CYREN: variants seen among roughly 807,000 people sequenced by gnomAD.
The protein encoded by CYREN is cell cycle regulator of NHEJ, also known as cell cycle regulator of non-homologous end joining.
A neutral mutation model predicts 9.7 loss-of-function variants in CYREN; 7 were observed. The ratio of observed to expected loss-of-function variants is 0.72; its 90% CI spans 0.41 to 1.36. The LOEUF (loss-of-function observed/expected upper bound fraction) is 1.36. CYREN is among the 40% of genes most tolerant of loss of function. The pLI is 0.01. For synonymous variants in CYREN, 76 were observed against 77.9 expected (o/e 0.98, Z 0.13); for missense variants, 215 against 198.1 (o/e 1.09, Z -0.51).
chr7:135,125,138 A>G (rs1220748511), intron 2 of CYREN, among the ~76,000 whole-genome samples: 1 of 152,140 alleles, frequency 6.6e-6, no homozygotes, highest in East Asian at 1.9e-4. Flanking sequence ...AATTAACAAA[A>G]TAGACCACTG....
In CYREN at chr7:135,151,219, T is replaced by A. The variant is rs1387421084; in HGVS notation, n.356+17530A>T. On this transcript the variant is annotated intron_variant and non_coding_transcript_variant, in intron 2 of 2. Coordinates refer to the CYREN transcript ENST00000459937. This position sits in a 1 kb window ranked among gnomAD's most constrained non-coding sequence, Gnocchi z 4.3. ...TGGGATGGCTGTCCACAGAAAACAC[T>A]GGTGAAATCCAGGAGCTGCCACCAC... 2.0e-5 allele frequency among the ~76,000 whole-genome samples: 3 copies of A among 152,232 alleles called. No individual in the cohort carries two copies. The highest frequency in any genetic ancestry group is 6.5e-5 in the Admixed American group (1 of 15,290).
rs1585229829 is a variant in CYREN at position 135,120,415 on chromosome 7, C to T, written n.357-25833G>A. On this transcript the variant is annotated intron_variant and non_coding_transcript_variant, in intron 2 of 2. Coordinates refer to the CYREN transcript ENST00000459937. ...AACCAATAAATTGTGATAAGTTATG[C>T]ATATGTAGTATAATACAGCAACCAC... Among the ~76,000 whole-genome samples the T allele has an allele frequency of 3.3e-5, 5 of 152,158 alleles. No individual in the cohort carries two copies. The South Asian group carries it at 1.0e-3, about 32-fold the overall frequency.
intron 2 of CYREN, among the ~76,000 whole-genome samples, chr7:135,104,311 C>T (rs528698502): frequency 6.6e-6 from 1 of 152,128 alleles, no homozygotes; most frequent in Non-Finnish European, 1.5e-5. Context: ...TTATTCAGTC[C>T]ACCATTGATA....
At chr7:135,166,906 G>A (rs746206939) in intron 3 of CYREN, 35 bp from the exon 4 acceptor site, 15 of 1,599,976 alleles carry the variant, frequency 9.4e-6, no homozygotes, top group Middle Eastern at 1.8e-4. Flanking sequence ...CTCAACATAC[G>A]TGTTTTATTT....
intron 2 of CYREN, among the ~76,000 whole-genome samples, chr7:135,117,616 C>T (rs1826511940): frequency 6.6e-6 from 1 of 152,122 alleles, no homozygotes. Context: ...AGAAGGTAGC[C>T]ATAAAGAACT....
chr7:135,166,882 C>T lies in CYREN; in HGVS notation c.214-11G>A, dbSNP rs772810857. On this transcript the variant is annotated splice_polypyrimidine_tract_variant and intron_variant, in intron 3 of 3. Transcript: ENST00000393114. The stretch of plus-strand genomic sequence containing the variant: ...TTCCTGTTTGCGGCTCTGTGGAGTA[C>T]GGGAAAACGCAGGCTCAACATACGT... 1.5e-5 allele frequency: 24 copies of T among 1,608,868 alleles called. 1 individual carries two copies. The highest frequency in any genetic ancestry group is 1.3e-4 in the African/African-American group (10 of 74,764).
chr7:135,118,346 G>A (rs1826620625), intron 2 of CYREN, among the ~76,000 whole-genome samples: 1 of 152,152 alleles, frequency 6.6e-6, no homozygotes, highest in South Asian at 2.1e-4. Context: ...ATCACGCCAT[G>A]TCCTAATTGT....
At position 135,167,750 on chromosome 7, in the gene CYREN, A is replaced by G. The variant is rs755756012; in HGVS notation, c.195T>C (p.Ala65=). 2.0e-5 allele frequency: 33 copies of G among 1,614,050 alleles called. No homozygotes were observed. The highest frequency in any genetic ancestry group is 2.7e-5 in the Non-Finnish European group (32 of 1,180,028). The change falls in exon 3 of 4, where the codon GCT becomes GCC. Residue 65 remains alanine, a synonymous_variant. Transcript: ENST00000393114. ...CMNEAEIVDV[A]LGILIESRKQ... is the part of the protein sequence containing the mutation. ...ACTTTACCTCAATCAGGATTCCCAG[A>G]GCAACATCAACTATCTCAGCCTCAT... is the stretch of plus-strand genomic sequence containing the variant.
At chr7:135,105,523 TAGA>T (rs910732348) in intron 2 of CYREN, among the ~76,000 whole-genome samples, 2 of 152,258 alleles carry the variant, frequency 1.3e-5, no homozygotes, top group African/African-American at 4.8e-5. Context: ...GTCAGATTTG[TAGA>T]AGATCAGATG....
chr7:135,127,499 G>A (rs1210059422), intron 2 of CYREN, among the ~76,000 whole-genome samples: 1 of 151,544 alleles, frequency 6.6e-6, no homozygotes, highest in Non-Finnish European at 1.5e-5. Flanking sequence ...GTTGCAGTGA[G>A]CCAAGATTGC....
rs1013111754 is a variant in CYREN at position 135,110,621 on chromosome 7, G to C, written n.357-16039C>G. On this transcript the variant is annotated intron_variant and non_coding_transcript_variant, in intron 2 of 2. Transcript: ENST00000459937. ...CCTGGCTCTGTGTCGCTCCTGGGTGGGCAGCTGTCTGCCTTGCTTTTCTCT... is the reference window on the plus strand; with the variant it reads ...CCTGGCTCTGTGTCGCTCCTGGGTGCGCAGCTGTCTGCCTTGCTTTTCTCT... 5.3e-4 allele frequency among the ~76,000 whole-genome samples: 80 copies of C among 152,084 alleles called. 2 individuals carry two copies. Among genetic ancestry groups the C allele is most frequent in the Non-Finnish European group, 4.4e-5 (3 of 68,004 alleles).
intron 2 of CYREN, chr7:135,147,820 C>A (rs1829577448): frequency 2.2e-6 from 1 of 456,224 alleles, no homozygotes; most frequent in Non-Finnish European, 4.4e-6. Flanking sequence ...CAGTTTAAAT[C>A]ACTGGGAGCT....
At chr7:135,152,864 C>T (rs766997746) in intron 2 of CYREN, 1 of 152,142 alleles carries the variant, frequency 6.6e-6, no homozygotes, top group Non-Finnish European at 1.5e-5. Context: ...AAGTTCCATG[C>T]GGCAGTCCTC....
intron 2 of CYREN, among the ~76,000 whole-genome samples, chr7:135,141,292 A>G (rs1011981002): frequency 1.3e-5 from 2 of 151,930 alleles, no homozygotes; most frequent in Non-Finnish European, 2.9e-5. Context: ...GGGAGGTGGT[A>G]TGTTTCTAGG....
At chr7:135,162,523 A>G (rs556544291), downstream of CYREN, among the ~76,000 whole-genome samples, 1 of 152,368 alleles carries the variant, frequency 6.6e-6, no homozygotes, top group Admixed American at 6.5e-5. Flanking sequence ...AGGCCTCACA[A>G]TCATGGTGAA....
At chr7:135,100,450 C>T (rs1304636147) in intron 2 of CYREN, among the ~76,000 whole-genome samples, 1 of 152,156 alleles carries the variant, frequency 6.6e-6, no homozygotes, top group Middle Eastern at 3.2e-3. Context: ...ATATAAACAA[C>T]TGTCTGGATG....
In CYREN at chr7:135,167,784, TAC is replaced by T. The variant is rs752877261; in HGVS notation, c.159_160del (p.Tyr54LeufsTer4). The T allele has an allele frequency of 2.5e-6, 4 of 1,614,066 alleles. No homozygotes were observed. In the African/African-American group the frequency reaches 4.0e-5, roughly 16 times the overall value. ...AACTATCTCAGCCTCATTCATGCAG[TAC>T]ACAGTCCTTGTCGCAGGGAGTCTGA... is the stretch of plus-strand genomic sequence containing the variant. On this transcript the variant is annotated frameshift_variant, in exon 3 of 4. Coordinates refer to ENST00000393114, the MANE Select transcript of CYREN (RefSeq NM_024033.4). LOFTEE classifies it high-confidence loss of function.
intron 2 of CYREN, among the ~76,000 whole-genome samples, chr7:135,142,513 T>C (rs1384188813): frequency 6.6e-6 from 1 of 152,126 alleles, no homozygotes; most frequent in Non-Finnish European, 1.5e-5. Context: ...CTAATTCCTG[T>C]GTAGCTCAAG....
intron 2 of CYREN, among the ~76,000 whole-genome samples, chr7:135,123,631 G>A (rs1232000688): frequency 6.6e-6 from 1 of 152,022 alleles, no homozygotes; most frequent in Non-Finnish European, 1.5e-5. Flanking sequence ...AAATGTTAAG[G>A]GCAGCCAGAG....
Sources: allele counts gnomAD v4.1 joint callset (sites outside exome capture counted in the v4.1 genomes callset), GRCh38; gene constraint gnomAD v4.1.1; non-coding constraint Gnocchi (gnomAD v3.1); transcripts MANE v1.5; gene names NCBI Gene and HGNC (gene_info 2026-07-23, HGNC 2026-07-21).